LINGO2: variants seen among roughly 807,000 people sequenced by gnomAD.
LINGO2 encodes the protein leucine rich repeat and Ig domain containing 2.
A neutral mutation model predicts 30.6 loss-of-function variants in LINGO2; 14 were observed. The observed-to-expected ratio is 0.46, with a 90% CI of 0.30 to 0.72. The LOEUF is 0.72. Ranked by LOEUF, LINGO2 falls within the 30% of genes least tolerant of loss-of-function variation. The pLI is 0.07. For synonymous variants in LINGO2, 317 were observed against 288.5 expected (o/e 1.10, Z -1.00); for missense variants, 729 against 751.7 (o/e 0.97, Z 0.35).
At chr9:28,886,774 T>C in the LINGO2 span, among the ~76,000 whole-genome samples, 1 of 152,156 alleles carries the variant, frequency 6.6e-6, no homozygotes, top group Non-Finnish European at 1.5e-5. Context: ...AACTAAAACT[T>C]TGCTTTTATG....
At chr9:28,277,228 A>G (rs1823146711) in intron 4 of LINGO2, among the ~76,000 whole-genome samples, 1 of 152,096 alleles carries the variant, frequency 6.6e-6, no homozygotes, top group African/African-American at 2.4e-5. Flanking sequence ...TTCATTGTTA[A>G]TATATCTGTA....
chr9:29,075,154 T>C, the LINGO2 span, among the ~76,000 whole-genome samples: 2 of 152,168 alleles, frequency 1.3e-5, no homozygotes, highest in Non-Finnish European at 2.9e-5. Flanking sequence ...GAAAACACAA[T>C]TGCAGGATTC....
chr9:27,971,686 G>A (rs1202024277), intron 5 of LINGO2, among the ~76,000 whole-genome samples: 1 of 152,146 alleles, frequency 6.6e-6, no homozygotes. Flanking sequence ...ACGGCGCCCG[G>A]CCTGAAATTT....
chr9:28,148,396 A>T lies in LINGO2; in HGVS notation c.-86-135991T>A. ...AGTTTAACCTTCAACTTCCTTCATT[A>T]GATGAGCAGGTGATCCCAGCCAGGC... On this transcript the variant is annotated intron_variant, in intron 4 of 5. Transcript: ENST00000379992. This position sits in a 1 kb window ranked among gnomAD's most constrained non-coding sequence, Gnocchi z 5.1. 2 of 1,241,932 alleles carry T rather than the reference A, an allele frequency of 1.6e-6. No homozygotes were observed. 76.9% of individuals were successfully genotyped at this position (1,241,932 alleles called of 1,614,324 possible).
intron 2 of LINGO2, among the ~76,000 whole-genome samples, chr9:28,437,245 T>G (rs560478139): frequency 6.6e-6 from 1 of 152,158 alleles, no homozygotes; most frequent in Non-Finnish European, 1.5e-5. Flanking sequence ...GTCCTAGAGC[T>G]GGGACACTCT....
rs140619371 is a variant in LINGO2 at position 28,239,304 on chromosome 9, G to A, written c.-87+55904C>T. 8.1e-3 allele frequency among the ~76,000 whole-genome samples: 1,225 copies of A among 152,152 alleles called. 23 individuals carry two copies. Among genetic ancestry groups the A allele is most frequent in the African/African-American group, 0.028 (1,181 of 41,542 alleles). On this transcript the variant is annotated intron_variant, in intron 4 of 5. Transcript: ENST00000379992. ...TCATCTATGAGGTCATTATTGTCCT[G>A]ATACCAAAACAAGACAAAGATACAT...
intron 2 of LINGO2, among the ~76,000 whole-genome samples, chr9:28,437,495 C>A (rs1361093816): frequency 1.3e-5 from 2 of 151,522 alleles, no homozygotes; most frequent in African/African-American, 2.4e-5. Context: ...ATCACATGAG[C>A]CAATTTCCCT....
At chr9:28,492,327 T>C (rs368736668) in intron 1 of LINGO2, among the ~76,000 whole-genome samples, 5 of 152,260 alleles carry the variant, frequency 3.3e-5, no homozygotes, top group African/African-American at 1.2e-4. Flanking sequence ...AATAAAGCAT[T>C]GAGAACACAT....
chr9:28,628,028 T>C (rs573388162), intron 1 of LINGO2, among the ~76,000 whole-genome samples: 98 of 152,182 alleles, frequency 6.4e-4, no homozygotes, highest in Non-Finnish European at 6.0e-4. Context: ...ATCTCAATAA[T>C]ACCATTCTTC....
At chr9:28,432,634 G>C (rs2134959750) in intron 2 of LINGO2, among the ~76,000 whole-genome samples, 1 of 152,094 alleles carries the variant, frequency 6.6e-6, no homozygotes, top group South Asian at 2.1e-4. Flanking sequence ...GGCTAATAAA[G>C]GACAGTCTGA....
At chr9:28,767,382 A>T in the LINGO2 span, among the ~76,000 whole-genome samples, 1 of 152,198 alleles carries the variant, frequency 6.6e-6, no homozygotes, top group Non-Finnish European at 1.5e-5. Context: ...AAAGAGAAAG[A>T]AAAATGCTGC....
intron 1 of LINGO2, among the ~76,000 whole-genome samples, chr9:28,585,842 T>C (rs908245162): frequency 2.6e-5 from 4 of 152,128 alleles, no homozygotes; most frequent in Middle Eastern, 3.4e-3. Flanking sequence ...CCCTTCAAGA[T>C]TGTCATTGTT....
intron 2 of LINGO2, among the ~76,000 whole-genome samples, chr9:28,403,202 C>G (rs1822343071): frequency 6.6e-6 from 1 of 152,160 alleles, no homozygotes; most frequent in African/African-American, 2.4e-5. Context: ...TTCCAAAATG[C>G]TGAACTTCAT....
chr9:29,183,742 A>G, the LINGO2 span, among the ~76,000 whole-genome samples: 583 of 152,066 alleles, frequency 3.8e-3, 14 homozygotes, highest in Admixed American at 0.033. Flanking sequence ...CTGTTCACAT[A>G]AAGTCCCTCA....
At chr9:29,009,945 A>C in the LINGO2 span, among the ~76,000 whole-genome samples, 2 of 152,238 alleles carry the variant, frequency 1.3e-5, no homozygotes, top group Non-Finnish European at 2.9e-5. Flanking sequence ...TTCCCTATTT[A>C]ATAAATGGTG....
At chr9:28,748,187 A>G in the LINGO2 span, among the ~76,000 whole-genome samples, 3 of 152,032 alleles carry the variant, frequency 2.0e-5, no homozygotes, top group Admixed American at 2.0e-4. Flanking sequence ...TACTTCAACA[A>G]CAACAAAAAA....
chr9:28,602,066 G>C (rs1042704976), intron 1 of LINGO2, among the ~76,000 whole-genome samples: 1 of 152,052 alleles, frequency 6.6e-6, no homozygotes, highest in Admixed American at 6.6e-5. Flanking sequence ...AAATGAGCAA[G>C]GGAGTGGGGA....
At chr9:28,675,870 C>CA in the LINGO2 span, among the ~76,000 whole-genome samples, 53 of 106,126 alleles carry the variant, frequency 5.0e-4, no homozygotes, top group Non-Finnish European at 8.1e-4. Context: ...GACTCCATTT[C>CA]AAAAAAAAAG....
chr9:28,131,293 T>G (rs573407427), intron 4 of LINGO2, among the ~76,000 whole-genome samples: 8 of 152,274 alleles, frequency 5.3e-5, no homozygotes, highest in African/African-American at 1.9e-4. Flanking sequence ...AGTATCCCCC[T>G]GAGTCATATG....
Sources: allele counts gnomAD v4.1 joint callset (sites outside exome capture counted in the v4.1 genomes callset), GRCh38; gene constraint gnomAD v4.1.1; non-coding constraint Gnocchi (gnomAD v3.1); transcripts MANE v1.5; gene names NCBI Gene and HGNC (gene_info 2026-07-23, HGNC 2026-07-21).